Variants in UNC5C observed in about 807,000 individuals in gnomAD.
UNC5C encodes the protein unc-5 netrin receptor C, also known as netrin receptor UNC5C.
In UNC5C, 47 loss-of-function variants were observed where a neutral mutation model predicts 99.8. The observed-to-expected ratio is 0.47, with a 90% CI of 0.37 to 0.60. The LOEUF is 0.60. Among genes scored for constraint, UNC5C ranks in the 20% least tolerant of loss-of-function variants. The pLI, the probability that UNC5C is intolerant of heterozygous loss-of-function variation, is 0.00. For synonymous variants in UNC5C, 487 were observed against 452.2 expected (o/e 1.08, Z -0.98); for missense variants, 1,062 against 1,165.9 (o/e 0.91, Z 1.30).
In UNC5C at chr4:95,263,388, A is replaced by G. The variant is rs371556898; in HGVS notation, c.595-12721T>C. ...TATGCTAGCAAAAATTTTAAAGAGCACTTCACAAAGGCATGAGAGGATAGT... is the reference window on the plus strand; with the variant it reads ...TATGCTAGCAAAAATTTTAAAGAGCGCTTCACAAAGGCATGAGAGGATAGT... On this transcript the variant is annotated intron_variant, in intron 4 of 15. Coordinates refer to ENST00000453304, the MANE Select transcript of UNC5C (RefSeq NM_003728.4). Among the ~76,000 whole-genome samples, 604 of 152,308 alleles carry G rather than the reference A, an allele frequency of 4.0e-3. 2 individuals carry two copies. Among genetic ancestry groups the G allele is most frequent in the Middle Eastern group, 0.014 (4 of 294 alleles).
chr4:95,209,644 T>G (rs961927858), intron 10 of UNC5C, among the ~76,000 whole-genome samples: 1 of 152,228 alleles, frequency 6.6e-6, no homozygotes, highest in Non-Finnish European at 1.5e-5. Context: ...TGGGAGCAAC[T>G]TGAGACCTCA....
At chr4:95,195,382 G>C (rs1737337760) in intron 12 of UNC5C, among the ~76,000 whole-genome samples, 1 of 152,110 alleles carries the variant, frequency 6.6e-6, no homozygotes, top group Non-Finnish European at 1.5e-5. Context: ...TTTTGTTGTT[G>C]GTCTCTAATT....
At chr4:95,176,845 C>G (rs568549125) in intron 14 of UNC5C, among the ~76,000 whole-genome samples, 3 of 152,240 alleles carry the variant, frequency 2.0e-5, no homozygotes, top group African/African-American at 7.2e-5. Flanking sequence ...CCCAGCCTCG[C>G]TGCCGCCTTG....
At chr4:95,290,885 G>A (rs1272660853) in intron 3 of UNC5C, among the ~76,000 whole-genome samples, 1 of 152,128 alleles carries the variant, frequency 6.6e-6, no homozygotes, top group Non-Finnish European at 1.5e-5. Flanking sequence ...AGAATGATCT[G>A]CAGCAAGTCA....
intron 4 of UNC5C, among the ~76,000 whole-genome samples, chr4:95,268,172 C>G (rs1740522172): frequency 6.6e-6 from 1 of 152,038 alleles, no homozygotes. Flanking sequence ...GATCTCCTGA[C>G]CTCGTGATCC....
At chr4:95,299,096 C>T (rs2149403047) in intron 3 of UNC5C, among the ~76,000 whole-genome samples, 1 of 152,252 alleles carries the variant, frequency 6.6e-6, no homozygotes, top group African/African-American at 2.4e-5. Context: ...CCCTCAGTTC[C>T]TCAGGATGTG....
At chr4:95,206,563 T>A (rs551636647) in intron 11 of UNC5C, 65 bp downstream of exon 11, 203 of 1,601,058 alleles carry the variant, frequency 1.3e-4, no homozygotes, top group Middle Eastern at 7.8e-4. Context: ...AGGCCTCCCA[T>A]AATTGCTCCT....
chr4:95,249,795 G>A (rs558405973), intron 5 of UNC5C, among the ~76,000 whole-genome samples: 14 of 152,290 alleles, frequency 9.2e-5, no homozygotes, highest in African/African-American at 3.1e-4. Flanking sequence ...TTAGCATATC[G>A]TTAGGATTAG....
At chr4:95,283,825 A>G (rs370804968) in intron 3 of UNC5C, among the ~76,000 whole-genome samples, 1 of 152,218 alleles carries the variant, frequency 6.6e-6, no homozygotes, top group African/African-American at 2.4e-5. Context: ...AAGTCCTTTC[A>G]TTAATAACCT....
rs182209376 is a variant in UNC5C at position 95,435,378 on chromosome 4, C to A, written c.125-99747G>T. 5.9e-5 allele frequency among the ~76,000 whole-genome samples: 9 copies of A among 152,162 alleles called. No individual in the cohort carries two copies. In the East Asian group the frequency reaches 1.2e-3, roughly 20 times the overall value. ...TTTTTACCACAGCTAGGTTCACCGT[C>A]TTCAATTAGAAAGTTAGAGTGCCTG... is the stretch of plus-strand genomic sequence containing the variant. On this transcript the variant is annotated intron_variant, in intron 1 of 15. Coordinates refer to ENST00000453304, the MANE Select transcript of UNC5C (RefSeq NM_003728.4).
At chr4:95,529,276 G>GTATTTATATGTATATATGTATATA (rs1254666392) in intron 1 of UNC5C, among the ~76,000 whole-genome samples, 103 of 144,662 alleles carry the variant, frequency 7.1e-4, no homozygotes, top group Admixed American at 6.0e-3. Context: ...TTACATGTAT[G>GTATTTATATGTATATATGTATATA]TATTTATATG....
chr4:95,215,351 G>A (rs1738211120), intron 10 of UNC5C, among the ~76,000 whole-genome samples: 1 of 152,136 alleles, frequency 6.6e-6, no homozygotes, highest in Non-Finnish European at 1.5e-5. Flanking sequence ...TAAGATCTTG[G>A]TGTACTTCAG....
At chr4:95,343,104 AG>A (rs899102309) in intron 1 of UNC5C, among the ~76,000 whole-genome samples, 44 of 152,096 alleles carry the variant, frequency 2.9e-4, no homozygotes, top group African/African-American at 9.9e-4. Context: ...GCTTCTCTGG[AG>A]GGAAGAACAA....
At chr4:95,479,503 T>C (rs1343515391) in intron 1 of UNC5C, among the ~76,000 whole-genome samples, 2 of 151,968 alleles carry the variant, frequency 1.3e-5, no homozygotes, top group Non-Finnish European at 2.9e-5. Flanking sequence ...ATTATTTGAG[T>C]AGACAGTTTA....
At position 95,166,389 on chromosome 4, in the gene UNC5C, G is replaced by A. The variant is rs1450534520; in HGVS notation, c.*2845C>T. The A allele has an allele frequency of 1.3e-5, 2 of 152,172 alleles. No individual in the cohort carries two copies. Among genetic ancestry groups the A allele is most frequent in the Non-Finnish European group, 2.9e-5 (2 of 68,022 alleles). The allele number at this position is 152,172 out of a possible 1,614,324, so 9.4% of individuals were successfully genotyped here. A position where few individuals can be genotyped will look rare whatever the true frequency, so the allele number is the denominator to read the frequency against. ...ATGGAAGTTGTCATTCACTTAATAG[G>A]AAACATTAAGGGTTCTGACAGATGA... On this transcript the variant is annotated 3_prime_UTR_variant, in exon 16 of 16. Transcript: ENST00000453304.
rs1045389416 is a variant in UNC5C, at chr4:95,424,250, A to G, written c.125-88619T>C. On this transcript the variant is annotated intron_variant, in intron 1 of 15. Coordinates refer to ENST00000453304, the MANE Select transcript of UNC5C (RefSeq NM_003728.4). ...GGAATAACCTTTGACATCCCTCCCT[A>G]CCCCCACCCCTCATTCCAAGTGTAT... Among the ~76,000 whole-genome samples, 5 of 151,782 alleles carry G rather than the reference A, an allele frequency of 3.3e-5. No individual in the cohort carries two copies. In the East Asian group the frequency reaches 5.8e-4, roughly 18 times the overall value.
intron 1 of UNC5C, among the ~76,000 whole-genome samples, chr4:95,436,491 T>C (rs1179696870): frequency 6.6e-6 from 1 of 151,966 alleles, no homozygotes; most frequent in Non-Finnish European, 1.5e-5. Flanking sequence ...ATATAACTAA[T>C]TACAGAAACT....
At chr4:95,189,880 T>G (rs930003817) in intron 12 of UNC5C, among the ~76,000 whole-genome samples, 13 of 152,210 alleles carry the variant, frequency 8.5e-5, no homozygotes, top group Non-Finnish European at 1.9e-4. Context: ...GGAACACTTT[T>G]ACACTGTTGG....
intron 1 of UNC5C, among the ~76,000 whole-genome samples, chr4:95,535,884 T>A (rs1253515036): frequency 1.3e-5 from 2 of 151,730 alleles, no homozygotes; most frequent in Non-Finnish European, 2.9e-5. Context: ...AAAGAAAGAT[T>A]GAGCTGGAAA....
Sources: gnomAD v4.1 joint callset for allele counts (sites outside exome capture counted in the v4.1 genomes callset) on GRCh38, gnomAD v4.1.1 for gene constraint, MANE v1.5 for transcripts, NCBI Gene and HGNC (gene_info 2026-07-23, HGNC 2026-07-21) for gene names.